Variants in UBE2R2 observed in about 807,000 individuals in gnomAD.
UBE2R2 encodes ubiquitin-conjugating enzyme E2 R2.
Under a neutral mutation model 27.8 loss-of-function variants are expected in UBE2R2, and 1 was observed. The ratio of observed to expected loss-of-function variants is 0.04; its 90% CI spans 0.01 to 0.17. The LOEUF is 0.17. Ranked by LOEUF, UBE2R2 falls within the 10% of genes least tolerant of loss-of-function variation. The probability of loss-of-function intolerance (pLI) is 1.00; values close to 1 mark genes in which losing one functional copy is unlikely to be tolerated. For missense variants in UBE2R2, 100 were observed against 291.0 expected (o/e 0.34, Z 4.78); for synonymous variants, 106 against 113.3 (o/e 0.94, Z 0.41).
At chr9:33,817,091 A>AGCCGCTGAGAGCCGCCC (rs1308133083), upstream of UBE2R2, among the ~76,000 whole-genome samples, 2 of 151,772 alleles carry the variant, frequency 1.3e-5, no homozygotes, top group African/African-American at 4.8e-5. Flanking sequence ...TCGGGCCGCC[A>AGCCGCTGAGAGCCGCCC]GCCGCTGAGA....
At chr9:33,868,679 C>T (rs1262399129) in intron 1 of UBE2R2, 3 of 152,162 alleles carry the variant, frequency 2.0e-5, no homozygotes, top group Non-Finnish European at 4.4e-5. Flanking sequence ...AAAACCTGCT[C>T]TACCCTCCCC....
chr9:33,851,952 A>G (rs1048992466), intron 1 of UBE2R2, among the ~76,000 whole-genome samples: 2 of 152,258 alleles, frequency 1.3e-5, no homozygotes, highest in African/African-American at 4.8e-5. Flanking sequence ...AGTCATATCT[A>G]GAAGGGTCAG....
intron 1 of UBE2R2, among the ~76,000 whole-genome samples, chr9:33,823,522 C>T (rs1820218388): frequency 6.6e-6 from 1 of 152,038 alleles, no homozygotes; most frequent in African/African-American, 2.4e-5. Context: ...ATTACAGGTG[C>T]GTGCCAGCAC....
chr9:33,861,443 C>T (rs1301008679), intron 1 of UBE2R2, among the ~76,000 whole-genome samples: 5 of 151,986 alleles, frequency 3.3e-5, no homozygotes, highest in African/African-American at 7.2e-5. Flanking sequence ...AAGTTAGCCA[C>T]GCATAGCCTA....
chr9:33,869,067 A>C lies in UBE2R2; in HGVS notation c.178-17814A>C, dbSNP rs185843489. ...TGGATTGCTTGAGCTTGGGAGCTCA[A>C]GACCAGCCTGGGCAATATGGCAGAA... is the stretch of plus-strand genomic sequence containing the variant. On this transcript the variant is annotated intron_variant, in intron 1 of 4. Coordinates refer to ENST00000263228, the MANE Select transcript of UBE2R2 (RefSeq NM_017811.4). Among the ~76,000 whole-genome samples the C allele has an allele frequency of 6.6e-5, 10 of 152,266 alleles. No homozygotes were observed. In the East Asian group the frequency reaches 1.9e-3, roughly 29 times the overall value.
chr9:33,909,944 T>C (rs1467829017), intron 3 of UBE2R2, among the ~76,000 whole-genome samples: 4 of 152,226 alleles, frequency 2.6e-5, no homozygotes, highest in African/African-American at 9.6e-5. Context: ...AAACATCTAA[T>C]TGCCTGGTTT....
intron 1 of UBE2R2, among the ~76,000 whole-genome samples, chr9:33,874,966 C>A (rs1821570891): frequency 6.6e-6 from 1 of 151,962 alleles, no homozygotes; most frequent in African/African-American, 2.4e-5. Flanking sequence ...CTGTACCCGG[C>A]CTCAAAATGT....
intron 1 of UBE2R2, among the ~76,000 whole-genome samples, chr9:33,855,807 G>A (rs977225361): frequency 1.1e-4 from 16 of 152,236 alleles, no homozygotes; most frequent in African/African-American, 3.9e-4. Context: ...GCTAGGCAAG[G>A]TGCCTCATGC....
intron 1 of UBE2R2, among the ~76,000 whole-genome samples, chr9:33,819,523 G>C (rs1825924901): frequency 6.6e-6 from 1 of 152,168 alleles, no homozygotes; most frequent in African/African-American, 2.4e-5. Context: ...CAACTTATTA[G>C]TAACAAAGTG....
At chr9:33,861,393 A>T (rs1821233364) in intron 1 of UBE2R2, among the ~76,000 whole-genome samples, 1 of 152,006 alleles carries the variant, frequency 6.6e-6, no homozygotes, top group South Asian at 2.1e-4. Context: ...CATCTCTACA[A>T]ACCCCATCTC....
At chr9:33,865,453 C>T (rs1031244568) in intron 1 of UBE2R2, among the ~76,000 whole-genome samples, 1 of 152,134 alleles carries the variant, frequency 6.6e-6, no homozygotes, top group Non-Finnish European at 1.5e-5. Flanking sequence ...GCCTTGGCCT[C>T]CCAAAGTGCT....
chr9:33,866,903 T>C (rs966043765), intron 1 of UBE2R2, among the ~76,000 whole-genome samples: 2 of 152,232 alleles, frequency 1.3e-5, no homozygotes, highest in Non-Finnish European at 2.9e-5. Flanking sequence ...TCTTCCACTC[T>C]GTGGCTTGCT....
rs1825949468 is a variant in UBE2R2, at chr9:33,820,084, A to G, written c.177+2150A>G. Among the ~76,000 whole-genome samples the G allele has an allele frequency of 1.3e-5, 2 of 152,260 alleles. 1 individual carries two copies. The highest frequency in any genetic ancestry group is 4.8e-5 in the African/African-American group (2 of 41,464). On this transcript the variant is annotated intron_variant, in intron 1 of 4. Coordinates refer to ENST00000263228, the MANE Select transcript of UBE2R2 (RefSeq NM_017811.4). ...GTACTAGTTAGAATAATCTCACTCC[A>G]ATAAAGTTAAAAACAAGAGCAAACA...
At chr9:33,826,002 G>C (rs924659473) in intron 1 of UBE2R2, among the ~76,000 whole-genome samples, 3 of 152,132 alleles carry the variant, frequency 2.0e-5, no homozygotes, top group African/African-American at 7.2e-5. Context: ...AAGTAGCCGG[G>C]TGTGGTGGCA....
At chr9:33,819,045 G>C (rs756862056) in intron 1 of UBE2R2, among the ~76,000 whole-genome samples, 1 of 152,134 alleles carries the variant, frequency 6.6e-6, no homozygotes, top group Non-Finnish European at 1.5e-5. Flanking sequence ...ATCACAGATT[G>C]AAAGTCTGAA....
intron 1 of UBE2R2, among the ~76,000 whole-genome samples, chr9:33,873,743 C>T (rs561147429): frequency 3.9e-5 from 6 of 152,172 alleles, no homozygotes; most frequent in East Asian, 3.9e-4. Flanking sequence ...CAGGCTCAAG[C>T]GGATACTGCC....
chr9:33,863,192 A>AG (rs1821282975), intron 1 of UBE2R2, among the ~76,000 whole-genome samples: 1 of 150,432 alleles, frequency 6.6e-6, no homozygotes, highest in Non-Finnish European at 1.5e-5. Flanking sequence ...CTCCCTCAAA[A>AG]AAAAAAAAAA....
intron 1 of UBE2R2, among the ~76,000 whole-genome samples, chr9:33,874,695 A>G (rs1821565316): frequency 6.6e-6 from 1 of 151,958 alleles, no homozygotes; most frequent in Non-Finnish European, 1.5e-5. Context: ...GTTTTGAGAC[A>G]GGGTCTCGAC....
chr9:33,909,216 G>A (rs950976663), intron 3 of UBE2R2, among the ~76,000 whole-genome samples: 2 of 152,126 alleles, frequency 1.3e-5, no homozygotes, highest in African/African-American at 4.8e-5. Flanking sequence ...GCTGGGCAAG[G>A]TGGCTCACGC....
Sources: gnomAD v4.1 joint callset for allele counts (sites outside exome capture counted in the v4.1 genomes callset) on GRCh38, gnomAD v4.1.1 for gene constraint, MANE v1.5 for transcripts, NCBI Gene and HGNC (gene_info 2026-07-23, HGNC 2026-07-21) for gene names.